Variants in SEMA3E observed in about 807,000 individuals in gnomAD.
SEMA3E encodes the protein semaphorin 3E.
In SEMA3E, 49 loss-of-function variants were observed where a neutral mutation model predicts 93.6. The ratio of observed to expected loss-of-function variants is 0.52; its 90% CI spans 0.42 to 0.66. The LOEUF is 0.66. SEMA3E is among the 30% of genes least tolerant of loss of function. SEMA3E has a pLI of 0.00. For synonymous variants in SEMA3E, 363 were observed against 330.7 expected, an observed-to-expected ratio of 1.10 and a Z score of -1.06; for missense variants, 906 against 964.8, an observed-to-expected ratio of 0.94 and a Z score of 0.81.
intron 1 of SEMA3E, among the ~76,000 whole-genome samples, chr7:83,637,317 T>C (rs1450511567): frequency 6.6e-6 from 1 of 152,214 alleles, no homozygotes; most frequent in Non-Finnish European, 1.5e-5. Context: ...TTTATAAAAC[T>C]GGATTTTTTA....
intron 1 of SEMA3E, among the ~76,000 whole-genome samples, chr7:83,559,263 G>A (rs1306720416): frequency 6.6e-6 from 1 of 152,004 alleles, no homozygotes; most frequent in East Asian, 1.9e-4. Context: ...AAGATTGAAA[G>A]GTGATATATA....
intron 1 of SEMA3E, among the ~76,000 whole-genome samples, chr7:83,638,159 T>C (rs917341382): frequency 1.3e-5 from 2 of 150,946 alleles, no homozygotes. Flanking sequence ...CTGAAATGAA[T>C]TATGTGTTTT....
chr7:83,389,795 A>G (rs1787960716), intron 14 of SEMA3E, among the ~76,000 whole-genome samples: 1 of 68,372 alleles, frequency 1.5e-5, no homozygotes, highest in Non-Finnish European at 2.8e-5. Flanking sequence ...GTATACATAT[A>G]TACACGTATA....
At chr7:83,399,122 T>A (rs1278293619) in intron 11 of SEMA3E, among the ~76,000 whole-genome samples, 1 of 152,200 alleles carries the variant, frequency 6.6e-6, no homozygotes, top group Non-Finnish European at 1.5e-5. Flanking sequence ...ATTAAAGTCA[T>A]GTATGTTAGA....
At chr7:83,492,191 G>T (rs923352284) in intron 1 of SEMA3E, among the ~76,000 whole-genome samples, 1 of 152,058 alleles carries the variant, frequency 6.6e-6, no homozygotes, top group South Asian at 2.1e-4. Flanking sequence ...ACACTCCGGT[G>T]TAGAGCTTAG....
intron 15 of SEMA3E, among the ~76,000 whole-genome samples, chr7:83,386,626 G>C (rs1264895943): frequency 6.6e-6 from 1 of 152,128 alleles, no homozygotes; most frequent in Non-Finnish European, 1.5e-5. Context: ...AAAATCACCA[G>C]AAGGTACGTA....
In SEMA3E at chr7:83,529,594, A is replaced by T. The variant is rs186579614; in HGVS notation, c.116-39320T>A. Among the ~76,000 whole-genome samples the T allele has an allele frequency of 7.4e-3, 1,123 of 152,274 alleles. 13 individuals are homozygous for T. The highest frequency in any genetic ancestry group is 0.011 in the Non-Finnish European group (730 of 67,994). On this transcript the variant is annotated intron_variant, in intron 1 of 16. Transcript: ENST00000643230. ...TAATCTTAAAATAGCCAAGAGTTAG[A>T]TCATTCATACTTGACTTTAGCTAGT...
intron 1 of SEMA3E, among the ~76,000 whole-genome samples, chr7:83,589,513 A>G (rs2115939736): frequency 6.6e-6 from 1 of 152,300 alleles, no homozygotes; most frequent in South Asian, 2.1e-4. Flanking sequence ...CGAGACATCT[A>G]GGCCTGAGCC....
At chr7:83,532,847 TTG>T (rs931920752) in intron 1 of SEMA3E, among the ~76,000 whole-genome samples, 2 of 152,228 alleles carry the variant, frequency 1.3e-5, no homozygotes, top group East Asian at 3.9e-4. Flanking sequence ...CTTCAACCAT[TTG>T]TGTGTGTTTG....
At chr7:83,521,486 G>A (rs1320315639) in intron 1 of SEMA3E, among the ~76,000 whole-genome samples, 1 of 152,076 alleles carries the variant, frequency 6.6e-6, no homozygotes, top group African/African-American at 2.4e-5. Flanking sequence ...TTTTTTTCCT[G>A]AAGAAAATAA....
intron 2 of SEMA3E, among the ~76,000 whole-genome samples, chr7:83,474,095 T>TAAAAAAAAAAAAA (rs11324407): frequency 9.2e-6 from 1 of 108,592 alleles, no homozygotes; most frequent in East Asian, 2.5e-4. Context: ...CTATCTCAAT[T>TAAAAAAAAAAAAA]AAAAAAAAAA....
intron 1 of SEMA3E, among the ~76,000 whole-genome samples, chr7:83,626,401 C>T (rs2115653082): frequency 6.6e-6 from 1 of 152,118 alleles, no homozygotes; most frequent in East Asian, 1.9e-4. Flanking sequence ...TTGATCTATT[C>T]AGGGATTCAA....
At chr7:83,510,880 A>G (rs1167819028) in intron 1 of SEMA3E, among the ~76,000 whole-genome samples, 1 of 152,228 alleles carries the variant, frequency 6.6e-6, no homozygotes, top group Admixed American at 6.6e-5. Context: ...TGGTGAATCT[A>G]ATTTGATGAA....
chr7:83,402,838 A>C, intron 9 of SEMA3E, 62 bp from the exon 10 acceptor site: 1 of 1,482,142 alleles, frequency 6.7e-7, no homozygotes. Flanking sequence ...CTAGCCAAAT[A>C]CCCCAGCCTA....
At chr7:83,544,057 CA>C (rs1486320357) in intron 1 of SEMA3E, among the ~76,000 whole-genome samples, 1 of 151,854 alleles carries the variant, frequency 6.6e-6, no homozygotes, top group Non-Finnish European at 1.5e-5. Context: ...AAGACATTAA[CA>C]AAAAAATTAT....
chr7:83,402,263 T>G (rs2115625874), intron 10 of SEMA3E, among the ~76,000 whole-genome samples: 1 of 152,066 alleles, frequency 6.6e-6, no homozygotes, highest in South Asian at 2.1e-4. Context: ...GCTTGGAAAT[T>G]ATATGTGGTG....
At chr7:83,469,397 C>G in intron 2 of SEMA3E, 95 bp from the exon 3 acceptor site, 1 of 576,252 alleles carries the variant, frequency 1.7e-6, no homozygotes. Flanking sequence ...CAAAACATTT[C>G]CTTTTTTTTT....
intron 16 of SEMA3E, among the ~76,000 whole-genome samples, chr7:83,375,632 T>C (rs1381363290): frequency 1.3e-5 from 2 of 152,094 alleles, no homozygotes; most frequent in African/African-American, 4.8e-5. Context: ...GAGTATCTAC[T>C]GTACATGTGT....
chr7:83,596,557 GACATAT>G (rs1433620848), intron 1 of SEMA3E, among the ~76,000 whole-genome samples: 1 of 152,000 alleles, frequency 6.6e-6, no homozygotes, highest in Non-Finnish European at 1.5e-5. Flanking sequence ...TGTGTGTACA[GACATAT>G]ACATATATGA....
Sources: gnomAD v4.1 joint callset for allele counts (sites outside exome capture counted in the v4.1 genomes callset) on GRCh38, gnomAD v4.1.1 for gene constraint, MANE v1.5 for transcripts, NCBI Gene and HGNC (gene_info 2026-07-23, HGNC 2026-07-21) for gene names.